Variants in OCIAD1 observed in about 807,000 individuals in gnomAD.
OCIAD1 encodes OCIA domain containing 1, also known as OCIA domain-containing protein 1.
A neutral mutation model predicts 38.9 loss-of-function variants in OCIAD1; 29 were observed. That is an observed-to-expected ratio of 0.74 (90% CI 0.55 to 1.02). The LOEUF is 1.02. OCIAD1 is among the 50% of genes least tolerant of loss of function. The pLI is 0.00. For missense variants in OCIAD1, 288 were observed against 289.6 expected (o/e 0.99, Z 0.04); for synonymous variants, 110 against 92.0 (o/e 1.20, Z -1.12).
In OCIAD1 at chr4:48,852,882, G is replaced by GTTTTTTGTTTTTT. The variant is rs1553901200; in HGVS notation, c.547+913_547+914insGTTTTTTTTTTTT. ...TAAGCCAAGTTTTTTTTTGTTTTTT[G>GTTTTTTGTTTTTT]TTTTTTTTTTTTTTTTTGAGATGGA... is the stretch of plus-strand genomic sequence containing the variant. On this transcript the variant is annotated intron_variant, in intron 7 of 8. Transcript: ENST00000264312. Among the ~76,000 whole-genome samples, 41 of 126,302 alleles carry GTTTTTTGTTTTTT rather than the reference G, an allele frequency of 3.2e-4. 1 individual carries two copies. Among genetic ancestry groups the GTTTTTTGTTTTTT allele is most frequent in the East Asian group, 1.5e-3 (7 of 4,526 alleles). The allele number at this position is 126,302 out of a possible 152,430, so 82.9% of individuals were successfully genotyped here.
Position 48,832,690 on chromosome 4 carries a change from T to G in OCIAD1, c.58+8T>G, listed in dbSNP as rs1560416335. The G allele has an allele frequency of 1.3e-6, 2 of 1,599,944 alleles. No homozygotes were observed. Among genetic ancestry groups the G allele is most frequent in the African/African-American group, 2.7e-5 (2 of 74,628 alleles). On this transcript the variant is annotated splice_region_variant and intron_variant, in intron 2 of 8. Transcript: ENST00000264312. ...TTCCAAGACCAATTCCCCGTAACTA[T>G]CTATTAAGTATTTATAATTAGAAGC...
intron 5 of OCIAD1, among the ~76,000 whole-genome samples, chr4:48,849,365 G>A (rs1779232227): frequency 6.6e-6 from 1 of 152,032 alleles, no homozygotes. Flanking sequence ...AAGTACCTGA[G>A]GCTTTTCATG....
chr4:48,858,258 G>T (rs1206364237), intron 8 of OCIAD1, among the ~76,000 whole-genome samples: 2 of 152,086 alleles, frequency 1.3e-5, no homozygotes, highest in African/African-American at 2.4e-5. Flanking sequence ...TCATTTGACT[G>T]TTTCTCTCTT....
rs1198289487 is a variant in OCIAD1 at position 48,861,257 on chromosome 4, A to T, written c.*495A>T. On this transcript the variant is annotated 3_prime_UTR_variant, in exon 9 of 9. Transcript: ENST00000264312. ...TGTAAAGGAACATGCAACAGCCCTC[A>T]TCTTCCTTGATTTTATGGTTTTATT... 2 of 152,594 alleles carry T rather than the reference A, an allele frequency of 1.3e-5. No homozygotes were observed. The highest frequency in any genetic ancestry group is 2.9e-5 in the Non-Finnish European group (2 of 68,358). 9.5% of individuals were successfully genotyped at this position (152,594 alleles called of 1,614,324 possible).
At chr4:48,831,327 T>C (rs1777467075) in intron 1 of OCIAD1, 78 bp downstream of exon 1, 1 of 411,104 alleles carries the variant, frequency 2.4e-6, no homozygotes, top group African/African-American at 2.1e-5. Context: ...TCCACGACTT[T>C]CGCACCTTCC....
chr4:48,820,575 G>A (rs532700292), intron 1 of OCIAD1, among the ~76,000 whole-genome samples: 16 of 152,234 alleles, frequency 1.1e-4, no homozygotes, highest in African/African-American at 3.6e-4. Flanking sequence ...AGGAGATAGA[G>A]ACATGAAAAA....
intron 5 of OCIAD1, among the ~76,000 whole-genome samples, chr4:48,849,499 C>T (rs953033077): frequency 2.0e-5 from 3 of 152,068 alleles, no homozygotes; most frequent in African/African-American, 7.2e-5. Flanking sequence ...TACTTTAAAA[C>T]AATCTTGTGA....
upstream of OCIAD1, chr4:48,830,911 G>C (rs1031170888): frequency 1.3e-5 from 2 of 156,370 alleles, no homozygotes; most frequent in Admixed American, 6.1e-5. Flanking sequence ...AGGGTTCTTG[G>C]TCCGCCGCTG....
chr4:48,815,127 C>T (rs531865420), intron 1 of OCIAD1, among the ~76,000 whole-genome samples: 85 of 152,206 alleles, frequency 5.6e-4, no homozygotes, highest in African/African-American at 1.9e-3. Context: ...GTCTGGCCAA[C>T]ATAGTGAAAC....
rs544361737 is a variant in OCIAD1, at chr4:48,844,765, A to G, written c.193+2076A>G. 3.9e-5 allele frequency among the ~76,000 whole-genome samples: 6 copies of G among 152,294 alleles called. No individual in the cohort carries two copies. In the South Asian group the frequency reaches 1.2e-3, roughly 32 times the overall value. ...TCCAGGACCCTCCAGAGGATACCAA[A>G]ATCCACAAAAGCTTAAGTCTCTGAT... On this transcript the variant is annotated intron_variant, in intron 4 of 8. Transcript: ENST00000264312.
intron 1 of OCIAD1, among the ~76,000 whole-genome samples, chr4:48,807,057 C>A: frequency 6.6e-6 from 1 of 152,166 alleles, no homozygotes; most frequent in Admixed American, 6.5e-5. Context: ...GCACACACCA[C>A]CAACAGGTGG....
chr4:48,816,984 G>A (rs1579034689), intron 1 of OCIAD1, among the ~76,000 whole-genome samples: 1 of 152,144 alleles, frequency 6.6e-6, no homozygotes, highest in Non-Finnish European at 1.5e-5. Flanking sequence ...AAAAAAAGGG[G>A]TGGGAGAGGG....
At position 48,860,992 on chromosome 4, in the gene OCIAD1, C is replaced by A; in HGVS notation, c.*230C>A. The A allele has an allele frequency of 2.0e-6, 1 of 495,948 alleles. No homozygotes were observed. 30.7% of individuals were successfully genotyped at this position (495,948 alleles called of 1,614,324 possible). On this transcript the variant is annotated 3_prime_UTR_variant, in exon 9 of 9. Transcript: ENST00000264312. ...ATTCATTTGAATGATGGTATTATACCATGATTGTATACAGTTTGTGAAATT... is the reference window on the plus strand; with the variant it reads ...ATTCATTTGAATGATGGTATTATACAATGATTGTATACAGTTTGTGAAATT...
At position 48,861,652 on chromosome 4, in the gene OCIAD1, C is replaced by T. The variant is rs1369849363; in HGVS notation, c.*890C>T. On this transcript the variant is annotated 3_prime_UTR_variant, in exon 9 of 9. Coordinates refer to ENST00000264312, the MANE Select transcript of OCIAD1 (RefSeq NM_017830.4). ...AGTGAGCTGTGGTCACACCACTGAA[C>T]TCCAGCCTGTGCGACTGAGTGAGAC... is the stretch of plus-strand genomic sequence containing the variant. 1 of 152,150 alleles carries T rather than the reference C, an allele frequency of 6.6e-6. No individual in the cohort carries two copies. Among genetic ancestry groups the T allele is most frequent in the Non-Finnish European group, 1.5e-5 (1 of 68,044 alleles). The allele number at this position is 152,150 out of a possible 1,614,324, so 9.4% of individuals were successfully genotyped here.
At chr4:48,820,984 G>C (rs1300583851) in intron 1 of OCIAD1, among the ~76,000 whole-genome samples, 5 of 152,094 alleles carry the variant, frequency 3.3e-5, no homozygotes, top group Admixed American at 1.3e-4. Flanking sequence ...AGGAGGAGCT[G>C]GTACCATTCG....
intron 1 of OCIAD1, among the ~76,000 whole-genome samples, chr4:48,810,461 T>G (rs954924428): frequency 7.4e-5 from 8 of 107,888 alleles, no homozygotes; most frequent in African/African-American, 3.0e-4. Context: ...AGAGTGAGAC[T>G]CCATCTCAAA....
In OCIAD1 at chr4:48,819,796, A is replaced by ACTT. The variant is rs1777176151; in HGVS notation, c.-102-10781_-102-10780insCTT. 3.3e-5 allele frequency among the ~76,000 whole-genome samples: 5 copies of ACTT among 151,090 alleles called. No homozygotes were observed. In the East Asian group the frequency reaches 7.8e-4, roughly 23 times the overall value. On this transcript the variant is annotated intron_variant, in intron 1 of 6. Transcript: ENST00000504654. ...TAAAACAGACTTTAAACCAACAAAG[A>ACTT]TAAAAAAAGACAAAGAAGGGCATTA...
chr4:48,859,754 G>GA (rs773893594), intron 8 of OCIAD1, among the ~76,000 whole-genome samples: 46 of 152,262 alleles, frequency 3.0e-4, no homozygotes, highest in Non-Finnish European at 6.2e-4. Flanking sequence ...CACATGGTCA[G>GA]AAAGTGTCAC....
intron 7 of OCIAD1, chr4:48,852,201 T>G: frequency 2.5e-6 from 1 of 399,956 alleles, no homozygotes. Context: ...TAACACTTGG[T>G]TCTTGTCCCT....
Sources: allele counts gnomAD v4.1 joint callset (sites outside exome capture counted in the v4.1 genomes callset), GRCh38; gene constraint gnomAD v4.1.1; transcripts MANE v1.5; gene names NCBI Gene and HGNC (gene_info 2026-07-23, HGNC 2026-07-21).